The following MACROD1 variants were observed in gnomAD, a reference collection of about 807,000 sequenced individuals.
The protein encoded by MACROD1 is mono-ADP ribosylhydrolase 1.
MACROD1 carries 31 observed loss-of-function variants against 41.4 expected under a neutral mutation model. The ratio of observed to expected loss-of-function variants is 0.75; its 90% CI spans 0.56 to 1.01. The LOEUF (loss-of-function observed/expected upper bound fraction) is 1.01, where lower values mean the gene tolerates loss of function less well. Among genes scored for constraint, MACROD1 ranks in the 50% least tolerant of loss-of-function variants. The probability of loss-of-function intolerance (pLI) is 0.00; values close to 1 mark genes in which losing one functional copy is unlikely to be tolerated. For missense variants in MACROD1, 473 were observed against 460.0 expected, an observed-to-expected ratio of 1.03 and a Z score of -0.26; for synonymous variants, 252 against 203.4, an observed-to-expected ratio of 1.24 and a Z score of -2.03.
At chr11:64,152,615 C>A (rs926649235) in intron 1 of MACROD1, among the ~76,000 whole-genome samples, 1 of 152,186 alleles carries the variant, frequency 6.6e-6, no homozygotes, top group African/African-American at 2.4e-5. Flanking sequence ...TCTGGGGAGG[C>A]TGAGGGACTG....
chr11:64,006,526 T>C (rs1942916933), intron 4 of MACROD1, among the ~76,000 whole-genome samples: 4 of 152,200 alleles, frequency 2.6e-5, no homozygotes, highest in South Asian at 2.1e-4. Flanking sequence ...GCTCCTTAAA[T>C]GGGGATTTGA....
chr11:64,092,767 G>A (rs955107204), intron 3 of MACROD1, among the ~76,000 whole-genome samples: 2 of 152,246 alleles, frequency 1.3e-5, no homozygotes, highest in Admixed American at 1.3e-4. Flanking sequence ...AAAAGCCTGA[G>A]TAAACGGGTG....
At chr11:64,095,318 G>T (rs1944557485) in intron 3 of MACROD1, among the ~76,000 whole-genome samples, 1 of 152,170 alleles carries the variant, frequency 6.6e-6, no homozygotes, top group South Asian at 2.1e-4. Context: ...ACAAGAAAAG[G>T]AAGCTAATAG....
chr11:64,038,692 T>C (rs1943428869), intron 3 of MACROD1, among the ~76,000 whole-genome samples: 1 of 152,138 alleles, frequency 6.6e-6, no homozygotes, highest in Non-Finnish European at 1.5e-5. Flanking sequence ...AGATGGGGCC[T>C]GTATGGGACT....
chr11:64,120,339 C>T lies in MACROD1; in HGVS notation c.517+30900G>A, dbSNP rs992748983. On this transcript the variant is annotated intron_variant, in intron 3 of 10. Coordinates refer to ENST00000255681, the MANE Select transcript of MACROD1 (RefSeq NM_014067.4). The surrounding 1 kb of genome is among the most constrained non-coding windows in gnomAD (Gnocchi z 4.5). ...TTTTCCTGCCTGAATCATTTTCTCA[C>T]ACAATAAGGTCAAGAGAGAAATTTC... Among the ~76,000 whole-genome samples the T allele has an allele frequency of 2.6e-5, 4 of 152,166 alleles. No individual in the cohort carries two copies. Among genetic ancestry groups the T allele is most frequent in the Non-Finnish European group, 4.4e-5 (3 of 68,038 alleles).
chr11:64,056,156 T>G (rs747621), intron 3 of MACROD1, among the ~76,000 whole-genome samples: 5,537 of 152,210 alleles, frequency 0.036, 340 homozygotes, highest in African/African-American at 0.12. Context: ...CCGCCCACTT[T>G]GCTCCCATCT....
rs939932906 is a variant in MACROD1 at position 64,122,510 on chromosome 11, C to A, written c.517+28729G>T. ...ACACAGGCACCGGGTCTCCTCCTTC[C>A]CCTGGGGATCTGGGAAACCCTCCCT... On this transcript the variant is annotated intron_variant, in intron 3 of 10. Coordinates refer to ENST00000255681, the MANE Select transcript of MACROD1 (RefSeq NM_014067.4). The surrounding 1 kb of genome is among the most constrained non-coding windows in gnomAD (Gnocchi z 4.0). 2.0e-5 allele frequency among the ~76,000 whole-genome samples: 3 copies of A among 152,230 alleles called. No individual in the cohort carries two copies. Among genetic ancestry groups the A allele is most frequent in the African/African-American group, 7.2e-5 (3 of 41,454 alleles).
At chr11:64,088,616 T>C (rs1262664269) in intron 3 of MACROD1, among the ~76,000 whole-genome samples, 1 of 152,142 alleles carries the variant, frequency 6.6e-6, no homozygotes, top group Non-Finnish European at 1.5e-5. Flanking sequence ...GGTTTTGTTT[T>C]TCCATCAGCA....
In MACROD1 at chr11:64,122,499, T is replaced by G. The variant is rs1193082566; in HGVS notation, c.517+28740A>C. Among the ~76,000 whole-genome samples, 1 of 152,046 alleles carries G rather than the reference T, an allele frequency of 6.6e-6. No individual in the cohort carries two copies. The highest frequency in any genetic ancestry group is 2.4e-5 in the African/African-American group (1 of 41,388). On this transcript the variant is annotated intron_variant, in intron 3 of 10. Transcript: ENST00000255681. This position sits in a 1 kb window ranked among gnomAD's most constrained non-coding sequence, Gnocchi z 4.0. Reference sequence around the variant, plus strand: ...TCCCTCCCTCTACACAGGCACCGGGTCTCCTCCTTCCCCTGGGGATCTGGG... The same window carrying G: ...TCCCTCCCTCTACACAGGCACCGGGGCTCCTCCTTCCCCTGGGGATCTGGG...
intron 3 of MACROD1, among the ~76,000 whole-genome samples, chr11:64,066,100 C>T (rs936256159): frequency 2.0e-5 from 3 of 151,886 alleles, no homozygotes; most frequent in Non-Finnish European, 2.9e-5. Flanking sequence ...AGCTCAAGAG[C>T]AGCTTGGCCA....
At chr11:64,073,594 C>T (rs1330184201) in intron 3 of MACROD1, among the ~76,000 whole-genome samples, 1 of 152,240 alleles carries the variant, frequency 6.6e-6, no homozygotes, top group African/African-American at 2.4e-5. Flanking sequence ...TGGCCTGGCC[C>T]AGGTACGGCA....
intron 4 of MACROD1, among the ~76,000 whole-genome samples, chr11:64,005,832 G>C (rs1451792887): frequency 6.6e-6 from 1 of 152,238 alleles, no homozygotes; most frequent in Non-Finnish European, 1.5e-5. Context: ...TGGAGACAGA[G>C]GGCCTTGGGG....
chr11:64,000,128 A>C, intron 5 of MACROD1, 99 bp downstream of exon 5: 2 of 920,798 alleles, frequency 2.2e-6, no homozygotes, highest in South Asian at 3.1e-5. Context: ...CCCCCTGAGG[A>C]GTTCCCCAGC....
chr11:64,065,404 A>G (rs1292337112), intron 3 of MACROD1, among the ~76,000 whole-genome samples: 2 of 152,098 alleles, frequency 1.3e-5, no homozygotes, highest in Non-Finnish European at 2.9e-5. Context: ...CGAAGAGTTC[A>G]CCCACTACCT....
intron 3 of MACROD1, among the ~76,000 whole-genome samples, chr11:64,037,810 C>T (rs553124101): frequency 5.3e-5 from 8 of 152,314 alleles, no homozygotes; most frequent in South Asian, 2.1e-4. Context: ...TCTGTGCATC[C>T]GCACTCTACC....
At chr11:64,048,852 G>T (rs1943636014) in intron 3 of MACROD1, among the ~76,000 whole-genome samples, 2 of 152,178 alleles carry the variant, frequency 1.3e-5, no homozygotes, top group Non-Finnish European at 2.9e-5. Flanking sequence ...CAGGCACCAG[G>T]GCCATCCCAT....
In MACROD1 at chr11:64,123,195, G is replaced by C. The variant is rs375260296; in HGVS notation, c.517+28044C>G. Reference sequence around the variant, plus strand: ...GCTCTCAGGGCCAGGACGCAGCCAGGGTCAGTGACGGGCGTCCGCGTGCCT... The same window carrying C: ...GCTCTCAGGGCCAGGACGCAGCCAGCGTCAGTGACGGGCGTCCGCGTGCCT... On this transcript the variant is annotated intron_variant, in intron 3 of 10. Transcript: ENST00000255681. Among the ~76,000 whole-genome samples the C allele has an allele frequency of 4.5e-4, 68 of 152,330 alleles. 1 individual carries two copies. In the East Asian group the frequency reaches 0.013, roughly 28 times the overall value.
At chr11:64,101,182 G>T (rs1056746214) in intron 3 of MACROD1, among the ~76,000 whole-genome samples, 8 of 152,154 alleles carry the variant, frequency 5.3e-5, no homozygotes, top group African/African-American at 1.9e-4. Flanking sequence ...TACAGAAGGG[G>T]AACAGTACAG....
At chr11:64,130,044 T>A (rs1945242851) in intron 3 of MACROD1, among the ~76,000 whole-genome samples, 1 of 152,026 alleles carries the variant, frequency 6.6e-6, no homozygotes, top group African/African-American at 2.4e-5. Flanking sequence ...TGACACCATG[T>A]CTTCAGCTGG....
Sources: gnomAD v4.1 joint callset for allele counts (sites outside exome capture counted in the v4.1 genomes callset) on GRCh38, gnomAD v4.1.1 for gene constraint, Gnocchi (gnomAD v3.1) non-coding constraint, MANE v1.5 for transcripts, NCBI Gene and HGNC (gene_info 2026-07-23, HGNC 2026-07-21) for gene names.